The following STK32A variants were observed in gnomAD, a reference collection of about 807,000 sequenced individuals.
STK32A encodes serine/threonine-protein kinase 32A.
STK32A carries 41 observed loss-of-function variants against 53.2 expected under a neutral mutation model. The ratio of observed to expected loss-of-function variants is 0.77; its 90% CI spans 0.60 to 1.00. The LOEUF is 1.00. Among genes scored for constraint, STK32A ranks in the 50% least tolerant of loss-of-function variants. The pLI is 0.00. For missense variants in STK32A, 458 were observed against 485.8 expected, an observed-to-expected ratio of 0.94 and a Z score of 0.54; for synonymous variants, 166 against 162.8, an observed-to-expected ratio of 1.02 and a Z score of -0.15.
chr5:147,260,965 C>T (rs2151946927), intron 2 of STK32A, among the ~76,000 whole-genome samples: 1 of 152,348 alleles, frequency 6.6e-6, no homozygotes, highest in South Asian at 2.1e-4. Flanking sequence ...GCTTCTCCTT[C>T]CTTGGTCTGT....
intron 4 of STK32A, among the ~76,000 whole-genome samples, chr5:147,293,357 A>G (rs1328209038): frequency 6.6e-6 from 1 of 152,062 alleles, no homozygotes; most frequent in Non-Finnish European, 1.5e-5. Context: ...ATATATTCAA[A>G]GAAAGTTAAA....
At chr5:147,244,028 A>C (rs867967348) in intron 2 of STK32A, among the ~76,000 whole-genome samples, 3 of 151,206 alleles carry the variant, frequency 2.0e-5, no homozygotes, top group Non-Finnish European at 4.4e-5. Flanking sequence ...CCTCTGAAAC[A>C]ATAACATCCA....
intron 5 of STK32A, among the ~76,000 whole-genome samples, chr5:147,325,821 C>T (rs555215298): frequency 1.7e-4 from 26 of 152,280 alleles, no homozygotes; most frequent in African/African-American, 5.8e-4. Flanking sequence ...ACTTGTTAGT[C>T]TATGGAGTCC....
At chr5:147,363,467 C>T (rs532324414) in intron 8 of STK32A, among the ~76,000 whole-genome samples, 3 of 152,216 alleles carry the variant, frequency 2.0e-5, no homozygotes, top group East Asian at 1.9e-4. Context: ...TCCTGCCCTT[C>T]GAAACAGAGG....
chr5:147,377,384 A>T lies in STK32A; in HGVS notation c.1032+2166A>T, dbSNP rs1166472194. ...TTCAAGACGGTTGTTTTAAAATCTC[A>T]CTCTAGAAAGCTCAATGTTTGAGCT... On this transcript the variant is annotated intron_variant, in intron 11 of 12. Transcript: ENST00000397936. Among the ~76,000 whole-genome samples, 3 of 151,874 alleles carry T rather than the reference A, an allele frequency of 2.0e-5. No individual in the cohort carries two copies. In the East Asian group the frequency reaches 5.8e-4, roughly 29 times the overall value.
intron 2 of STK32A, among the ~76,000 whole-genome samples, chr5:147,252,851 A>G (rs529144755): frequency 2.0e-5 from 3 of 152,302 alleles, no homozygotes; most frequent in African/African-American, 7.2e-5. Context: ...AGTGAACTCC[A>G]TGAGGGCCAG....
At chr5:147,280,836 A>C (rs1342560998) in intron 4 of STK32A, among the ~76,000 whole-genome samples, 1 of 152,186 alleles carries the variant, frequency 6.6e-6, no homozygotes, top group Non-Finnish European at 1.5e-5. Context: ...GGACAACAGC[A>C]CAAAAATAGA....
intron 4 of STK32A, among the ~76,000 whole-genome samples, chr5:147,296,447 A>C (rs1752870832): frequency 6.6e-6 from 1 of 152,118 alleles, no homozygotes; most frequent in African/African-American, 2.4e-5. Context: ...CATGTGCAGC[A>C]GCCTGCCGGC....
chr5:147,248,303 A>T (rs1753841272), intron 2 of STK32A, among the ~76,000 whole-genome samples: 1 of 152,066 alleles, frequency 6.6e-6, no homozygotes, highest in African/African-American at 2.4e-5. Context: ...CCCTGGCCTT[A>T]CACCAAGACT....
rs142919973 is a variant in STK32A, at chr5:147,259,943, C to T, written c.53-18181C>T. Among the ~76,000 whole-genome samples, 841 of 144,910 alleles carry T rather than the reference C, an allele frequency of 5.8e-3. 6 individuals carry two copies. The highest frequency in any genetic ancestry group is 0.016 in the Middle Eastern group (4 of 256). On this transcript the variant is annotated intron_variant, in intron 2 of 12. Transcript: ENST00000397936. ...TTGTCTCTCACTCCTGGCTGTCTCTCTCTCTCTCCTCTCTGTCTCTCTCTC... is the reference window on the plus strand; with the variant it reads ...TTGTCTCTCACTCCTGGCTGTCTCTTTCTCTCTCCTCTCTGTCTCTCTCTC...
At chr5:147,244,484 T>C (rs906150537) in intron 2 of STK32A, among the ~76,000 whole-genome samples, 1 of 152,182 alleles carries the variant, frequency 6.6e-6, no homozygotes, top group Non-Finnish European at 1.5e-5. Flanking sequence ...CTTTGTGTTT[T>C]AGTAATGGGA....
intron 11 of STK32A, among the ~76,000 whole-genome samples, chr5:147,379,184 G>A (rs1299496085): frequency 2.0e-5 from 3 of 151,660 alleles, no homozygotes; most frequent in Admixed American, 2.0e-4. Context: ...TTTTGTAGCA[G>A]TTGTGAATGG....
intron 2 of STK32A, among the ~76,000 whole-genome samples, chr5:147,250,621 A>ATGAGTT (rs751902072): frequency 9.2e-5 from 14 of 152,132 alleles, no homozygotes; most frequent in Non-Finnish European, 1.8e-4. Flanking sequence ...CCAGACTAGA[A>ATGAGTT]TGAGTTAGGA....
chr5:147,276,855 T>C (rs1212200776), intron 2 of STK32A, among the ~76,000 whole-genome samples: 1 of 152,214 alleles, frequency 6.6e-6, no homozygotes, highest in Non-Finnish European at 1.5e-5. Context: ...TTTTTTCTTT[T>C]GAGAAAATGG....
chr5:147,331,936 G>T (rs1754891914), intron 5 of STK32A, among the ~76,000 whole-genome samples: 1 of 152,174 alleles, frequency 6.6e-6, no homozygotes, highest in South Asian at 2.1e-4. Flanking sequence ...GGCCCTGCTG[G>T]CATCTTGATT....
chr5:147,370,724 C>A lies in STK32A; in HGVS notation c.731C>A (p.Thr244Asn). ...IVHTFETTVV[T>N]YPSAWSQEMV... Reference sequence around the variant, plus strand: ...CACACGTTTGAGACGACTGTTGTAACTTACCCTTCTGCCTGGTCACAGGAA... The same window carrying A: ...CACACGTTTGAGACGACTGTTGTAAATTACCCTTCTGCCTGGTCACAGGAA... Residue 244 changes from threonine to asparagine, a missense_variant, in exon 9 of 13, where the codon ACT becomes AAT. Thr to Asn is a moderately conservative substitution (Grantham distance 65). Coordinates refer to ENST00000397936, the MANE Select transcript of STK32A (RefSeq NM_001112724.2). 1 of 1,612,638 alleles carries A rather than the reference C, an allele frequency of 6.2e-7. No individual in the cohort carries two copies. The highest frequency in any genetic ancestry group is 1.1e-5 in the South Asian group (1 of 91,042).
intron 8 of STK32A, among the ~76,000 whole-genome samples, chr5:147,370,131 C>G (rs752073623): frequency 8.5e-5 from 13 of 152,078 alleles, no homozygotes; most frequent in Non-Finnish European, 1.6e-4. Flanking sequence ...CTCTGTGGAA[C>G]CAGGGACTCA....
intron 5 of STK32A, among the ~76,000 whole-genome samples, chr5:147,327,130 G>A (rs1252501924): frequency 1.3e-5 from 2 of 152,044 alleles, no homozygotes; most frequent in African/African-American, 2.4e-5. Context: ...AAGTGTACAT[G>A]GTAAAAGAAG....
chr5:147,398,979 C>T, the STK32A span: 10 of 1,458,056 alleles, frequency 6.9e-6, no homozygotes, highest in East Asian at 9.2e-5. Flanking sequence ...TGCAACCCGT[C>T]CTAGTCTAAC....
Sources: gnomAD v4.1 joint callset for allele counts (sites outside exome capture counted in the v4.1 genomes callset) on GRCh38, gnomAD v4.1.1 for gene constraint, MANE v1.5 for transcripts, NCBI Gene and HGNC (gene_info 2026-07-23, HGNC 2026-07-21) for gene names.